The following NKAIN2 variants were observed in gnomAD, a reference collection of about 807,000 sequenced individuals.
The protein encoded by NKAIN2 is sodium/potassium transporting ATPase interacting 2, also known as sodium/potassium-transporting ATPase subunit beta-1-interacting protein 2.
A neutral mutation model predicts 32.6 loss-of-function variants in NKAIN2; 14 were observed. The observed-to-expected ratio is 0.43, with a 90% confidence interval of 0.28 to 0.67. The LOEUF (loss-of-function observed/expected upper bound fraction) is 0.67. Among genes scored for constraint, NKAIN2 ranks in the 30% least tolerant of loss-of-function variants. The pLI, the probability that NKAIN2 is intolerant of heterozygous loss-of-function variation, is 0.17. For synonymous variants in NKAIN2, 80 were observed against 87.2 expected (o/e 0.92, Z 0.46); for missense variants, 198 against 258.3 (o/e 0.77, Z 1.60).
chr6:124,436,792 C>G lies in NKAIN2; in HGVS notation c.273+81445C>G, dbSNP rs561591090. On this transcript the variant is annotated intron_variant, in intron 3 of 6. Coordinates refer to ENST00000368417, the MANE Select transcript of NKAIN2 (RefSeq NM_001040214.3). ...GCAACAGTTCCTTTAAATGCAGGTT[C>G]TTTGAAAGTTTAAGCCAGAACATGT... is the stretch of plus-strand genomic sequence containing the variant. Among the ~76,000 whole-genome samples, 4 of 152,268 alleles carry G rather than the reference C, an allele frequency of 2.6e-5. No homozygotes were observed. The South Asian group carries it at 8.3e-4, about 32-fold the overall frequency.
chr6:124,146,969 G>C (rs1315549930), intron 1 of NKAIN2, among the ~76,000 whole-genome samples: 1 of 152,116 alleles, frequency 6.6e-6, no homozygotes, highest in Non-Finnish European at 1.5e-5. Context: ...TAAACTGGGT[G>C]ATAGTTACAA....
At chr6:124,030,248 C>T (rs907867356) in intron 1 of NKAIN2, among the ~76,000 whole-genome samples, 2 of 152,030 alleles carry the variant, frequency 1.3e-5, no homozygotes, top group African/African-American at 4.8e-5. Context: ...ATAAAATTCA[C>T]AATACATGTA....
intron 4 of NKAIN2, among the ~76,000 whole-genome samples, chr6:124,705,481 A>G (rs991367970): frequency 2.0e-5 from 3 of 152,048 alleles, no homozygotes; most frequent in Non-Finnish European, 4.4e-5. Context: ...GAAAGAATTG[A>G]ACCCTAAGTG....
chr6:124,035,768 T>C (rs971360178), intron 1 of NKAIN2, among the ~76,000 whole-genome samples: 3 of 152,238 alleles, frequency 2.0e-5, no homozygotes, highest in Non-Finnish European at 4.4e-5. Flanking sequence ...CAAAGTAATA[T>C]TAAAACATTT....
At chr6:124,509,342 C>A (rs768770698) in intron 3 of NKAIN2, among the ~76,000 whole-genome samples, 52 of 152,290 alleles carry the variant, frequency 3.4e-4, no homozygotes, top group Non-Finnish European at 6.5e-4. Flanking sequence ...TCCTAGAGAA[C>A]CGAAAGAAGA....
rs140112211 is a variant in NKAIN2 at position 124,142,383 on chromosome 6, C to G, written c.55-140622C>G. ...GAAATAAAAACAAAACATTTTTTAT[C>G]TCAAGTTCTTTTATTATAATTGAAA... is the stretch of plus-strand genomic sequence containing the variant. On this transcript the variant is annotated intron_variant, in intron 1 of 6. Transcript: ENST00000368417. 1.8e-3 allele frequency among the ~76,000 whole-genome samples: 281 copies of G among 152,266 alleles called. 1 individual carries two copies. Among genetic ancestry groups the G allele is most frequent in the African/African-American group, 6.5e-3 (271 of 41,562 alleles).
At chr6:124,348,777 G>T (rs184009506) in intron 2 of NKAIN2, among the ~76,000 whole-genome samples, 4 of 152,234 alleles carry the variant, frequency 2.6e-5, no homozygotes, top group South Asian at 4.1e-4. Context: ...CCTTGCATGA[G>T]CCGAAGCAGG....
chr6:124,023,793 T>G (rs571844482), intron 1 of NKAIN2, among the ~76,000 whole-genome samples: 1 of 152,158 alleles, frequency 6.6e-6, no homozygotes, highest in African/African-American at 2.4e-5. Flanking sequence ...TTTTTGTAAT[T>G]GAAAAGCTAC....
At chr6:124,675,542 C>T (rs965972825) in intron 4 of NKAIN2, among the ~76,000 whole-genome samples, 3 of 152,008 alleles carry the variant, frequency 2.0e-5, no homozygotes, top group Non-Finnish European at 1.5e-5. Context: ...AGTTATTGCT[C>T]AGTTCAGATT....
intron 1 of NKAIN2, among the ~76,000 whole-genome samples, chr6:124,264,820 T>G (rs1794415468): frequency 6.6e-6 from 1 of 152,244 alleles, no homozygotes; most frequent in Non-Finnish European, 1.5e-5. Flanking sequence ...TACCTAATAT[T>G]TAATAACAAT....
At chr6:124,294,358 G>A (rs1011368622) in intron 2 of NKAIN2, among the ~76,000 whole-genome samples, 5 of 152,064 alleles carry the variant, frequency 3.3e-5, no homozygotes, top group Admixed American at 2.6e-4. Context: ...AATCACCTTG[G>A]ATAGACCCAA....
At chr6:124,039,754 A>AT (rs1781781806) in intron 1 of NKAIN2, among the ~76,000 whole-genome samples, 1 of 151,708 alleles carries the variant, frequency 6.6e-6, no homozygotes, top group South Asian at 2.1e-4. Context: ...CTTAGGCTTT[A>AT]TTTTTACCTA....
intron 3 of NKAIN2, among the ~76,000 whole-genome samples, chr6:124,392,646 G>A (rs1371984934): frequency 6.6e-6 from 1 of 152,074 alleles, no homozygotes; most frequent in Non-Finnish European, 1.5e-5. Context: ...TGGTTATTTC[G>A]TAGTTTTGTT....
chr6:124,782,423 A>G (rs1779311986), intron 4 of NKAIN2, among the ~76,000 whole-genome samples: 1 of 152,096 alleles, frequency 6.6e-6, no homozygotes, highest in Non-Finnish European at 1.5e-5. Flanking sequence ...TCTTTTTCCA[A>G]ATGCACCTAT....
chr6:124,585,756 G>T (rs950692065), intron 3 of NKAIN2, among the ~76,000 whole-genome samples: 4 of 152,026 alleles, frequency 2.6e-5, no homozygotes, highest in African/African-American at 9.7e-5. Context: ...TAAATTTTTT[G>T]TTCTTTTAAA....
chr6:123,989,772 A>G (rs1289058005), intron 1 of NKAIN2, among the ~76,000 whole-genome samples: 1 of 152,198 alleles, frequency 6.6e-6, no homozygotes, highest in African/African-American at 2.4e-5. Flanking sequence ...GAGAAATATG[A>G]TCAATACAAA....
At chr6:123,969,176 C>CA (rs1582859493) in intron 1 of NKAIN2, among the ~76,000 whole-genome samples, 2 of 152,190 alleles carry the variant, frequency 1.3e-5, no homozygotes, top group African/African-American at 4.8e-5. Context: ...GGTTTTTGCT[C>CA]ACTTTCCAGT....
intron 1 of NKAIN2, among the ~76,000 whole-genome samples, chr6:124,044,105 A>G (rs1207410889): frequency 1.3e-5 from 2 of 152,060 alleles, no homozygotes; most frequent in Non-Finnish European, 1.5e-5. Context: ...TAAACTTTAG[A>G]AAATTACTTA....
chr6:124,583,373 A>G (rs1169506069), intron 3 of NKAIN2, among the ~76,000 whole-genome samples: 2 of 152,152 alleles, frequency 1.3e-5, no homozygotes, highest in Non-Finnish European at 2.9e-5. Flanking sequence ...AATTTACAGT[A>G]GCTATAAATA....
Sources: allele counts gnomAD v4.1 joint callset (sites outside exome capture counted in the v4.1 genomes callset), GRCh38; gene constraint gnomAD v4.1.1; transcripts MANE v1.5; gene names NCBI Gene and HGNC (gene_info 2026-07-23, HGNC 2026-07-21).